The following TC2N variants were observed in gnomAD, a reference collection of about 807,000 sequenced individuals.
The protein encoded by TC2N is tandem C2 domains nuclear protein.
In TC2N, 51 loss-of-function variants were observed where a neutral mutation model predicts 61.9. That is an observed-to-expected ratio of 0.82 (90% CI 0.66 to 1.04). The LOEUF (loss-of-function observed/expected upper bound fraction) is 1.04. Among genes scored for constraint, TC2N ranks in the 50% least tolerant of loss-of-function variants. The pLI, the probability that TC2N is intolerant of heterozygous loss-of-function variation, is 0.00. For missense variants in TC2N, 556 were observed against 566.7 expected (o/e 0.98, Z 0.19); for synonymous variants, 204 against 192.6 (o/e 1.06, Z -0.49).
chr14:91,799,555 G>A (rs111258166), intron 5 of TC2N, among the ~76,000 whole-genome samples: 11 of 152,078 alleles, frequency 7.2e-5, no homozygotes, highest in African/African-American at 1.4e-4. Flanking sequence ...GTTTTAACAA[G>A]CTCTCCAAAC....
At chr14:91,830,910 C>A (rs993664434) in intron 1 of TC2N, among the ~76,000 whole-genome samples, 2 of 152,090 alleles carry the variant, frequency 1.3e-5, no homozygotes, top group Non-Finnish European at 2.9e-5. Context: ...AGTTTTTCGC[C>A]CTTCTCGTGA....
chr14:91,791,593 A>G (rs10138735), intron 9 of TC2N, among the ~76,000 whole-genome samples: 12,670 of 152,154 alleles, frequency 0.083, 1,122 homozygotes, highest in African/African-American at 0.22. Context: ...TTTTACAGAA[A>G]AAAAAAATCA....
At chr14:91,858,952 C>G (rs1332462816) in intron 1 of TC2N, among the ~76,000 whole-genome samples, 3 of 152,116 alleles carry the variant, frequency 2.0e-5, no homozygotes, top group African/African-American at 7.2e-5. Context: ...GAAGCCCAGC[C>G]CAGCCAAAAC....
chr14:91,796,896 C>T (rs570305167), intron 8 of TC2N, among the ~76,000 whole-genome samples: 13 of 152,250 alleles, frequency 8.5e-5, no homozygotes, highest in Non-Finnish European at 1.9e-4. Flanking sequence ...GGTTTTTCAA[C>T]CATTCCTCTG....
chr14:91,855,155 T>G (rs978165352), intron 1 of TC2N, among the ~76,000 whole-genome samples: 2 of 152,128 alleles, frequency 1.3e-5, no homozygotes, highest in African/African-American at 4.8e-5. Flanking sequence ...ACGGCAGGGA[T>G]GGAGGGCTGA....
intron 1 of TC2N, among the ~76,000 whole-genome samples, chr14:91,857,747 G>A (rs528106562): frequency 6.6e-6 from 1 of 152,146 alleles, no homozygotes; most frequent in African/African-American, 2.4e-5. Flanking sequence ...ATGTACAGTC[G>A]CCTGAACCAC....
intron 11 of TC2N, 149 bp from the exon 12 acceptor site, chr14:91,783,359 T>C (rs1008802884): frequency 7.3e-6 from 4 of 548,912 alleles, no homozygotes; most frequent in African/African-American, 3.9e-5. Context: ...AAAAGTCAGA[T>C]TGATTTCTCT....
intron 1 of TC2N, among the ~76,000 whole-genome samples, chr14:91,838,487 A>G (rs1888107824): frequency 6.6e-6 from 1 of 152,178 alleles, no homozygotes; most frequent in Admixed American, 6.5e-5. Flanking sequence ...GTTAGAAATC[A>G]CTAGATTCAT....
At chr14:91,804,548 C>T (rs145895791) in intron 3 of TC2N, among the ~76,000 whole-genome samples, 37 of 152,132 alleles carry the variant, frequency 2.4e-4, no homozygotes, top group Middle Eastern at 3.4e-3. Context: ...GAATACAGAA[C>T]GAATTATAAT....
In TC2N at chr14:91,785,062, C is replaced by T. The variant is rs920902801; in HGVS notation, c.1362+100G>A. ...AATTTTGATTTATGATGCTGAAGAA[C>T]TGTACTCTATTTGACTTTAATATTA... On this transcript the variant is annotated intron_variant, in intron 11 of 11. Transcript: ENST00000435962. The T allele has an allele frequency of 4.5e-5, 34 of 753,198 alleles. No individual in the cohort carries two copies. In the African/African-American group the frequency reaches 5.5e-4, roughly 12 times the overall value. The allele number at this position is 753,198 out of a possible 1,614,324, so 46.7% of individuals were successfully genotyped here. A position where few individuals can be genotyped will look rare whatever the true frequency, so the allele number is the denominator to read the frequency against.
At chr14:91,817,117 GAATATTGAGTCTTCCTAC>G (rs1274966155) in intron 1 of TC2N, among the ~76,000 whole-genome samples, 1 of 151,796 alleles carries the variant, frequency 6.6e-6, no homozygotes, top group African/African-American at 2.4e-5. Context: ...ACATCTCTAA[GAATATTGAGTCTTCCTAC>G]ACAGAACATA....
chr14:91,812,040 C>A (rs1018493137), intron 3 of TC2N: 19 of 179,004 alleles, frequency 1.1e-4, no homozygotes, highest in African/African-American at 4.0e-4. Context: ...TTGGTTAAAT[C>A]CACAGATGTG....
At chr14:91,794,176 A>G (rs1357550228) in intron 8 of TC2N, among the ~76,000 whole-genome samples, 2 of 152,234 alleles carry the variant, frequency 1.3e-5, no homozygotes, top group South Asian at 4.1e-4. Flanking sequence ...GAAGCTGAAG[A>G]AGAAAAACTA....
rs1885188502 is a variant in TC2N, at chr14:91,782,820, T to C, written c.*280A>G. 3 of 313,756 alleles carry C rather than the reference T, an allele frequency of 9.6e-6. No individual in the cohort carries two copies. The highest frequency in any genetic ancestry group is 1.7e-5 in the Non-Finnish European group (3 of 171,470). 19.4% of individuals were successfully genotyped at this position (313,756 alleles called of 1,614,324 possible). ...AGAAAGAACTATCTATGGTTGATAT[T>C]CTCACAGACTTTATAATTTATTTAG... On this transcript the variant is annotated 3_prime_UTR_variant, in exon 12 of 12. Coordinates refer to ENST00000435962, the MANE Select transcript of TC2N (RefSeq NM_001128596.3).
At chr14:91,794,534 GTAT>G (rs1885809473) in intron 8 of TC2N, among the ~76,000 whole-genome samples, 1 of 152,044 alleles carries the variant, frequency 6.6e-6, no homozygotes, top group Non-Finnish European at 1.5e-5. Context: ...GGGCCCTTAA[GTAT>G]TATACTAAAT....
chr14:91,863,338 G>C (rs1405005226), intron 1 of TC2N, among the ~76,000 whole-genome samples: 1 of 152,162 alleles, frequency 6.6e-6, no homozygotes, highest in Non-Finnish European at 1.5e-5. Flanking sequence ...AGAAGGAAGG[G>C]GATTGATTAG....
chr14:91,809,082 G>C (rs915665505), intron 3 of TC2N, among the ~76,000 whole-genome samples: 1 of 152,060 alleles, frequency 6.6e-6, no homozygotes, highest in Non-Finnish European at 1.5e-5. Flanking sequence ...AAGATGATAG[G>C]CCAGGCACTA....
chr14:91,794,464 C>A (rs1395150732), intron 8 of TC2N, among the ~76,000 whole-genome samples: 1 of 152,106 alleles, frequency 6.6e-6, no homozygotes, highest in Non-Finnish European at 1.5e-5. Context: ...TTGTTAGGGG[C>A]TAATGCAATC....
chr14:91,798,340 A>G lies in TC2N; in HGVS notation c.697T>C (p.Tyr233His). The change falls in exon 7 of 12, where the codon TAT becomes CAT. Residue 233 changes from tyrosine (Y) to histidine (H), a missense_variant. Physicochemically the swap from Tyr to His is moderately conservative, Grantham distance 83. Transcript: ENST00000435962. ...CAGATCTGTTCTACTGAAGAATTAT[A>G]AAACAATTTCACATTCAGTCTCCCA... ...DFGRLNVKLF[Y>H]NSSVEQIWIT... 1 of 1,596,430 alleles carries G rather than the reference A, an allele frequency of 6.3e-7. No individual in the cohort carries two copies. Among genetic ancestry groups the G allele is most frequent in the Non-Finnish European group, 8.6e-7 (1 of 1,169,454 alleles).
Sources: gnomAD v4.1 joint callset for allele counts (sites outside exome capture counted in the v4.1 genomes callset) on GRCh38, gnomAD v4.1.1 for gene constraint, MANE v1.5 for transcripts, NCBI Gene and HGNC (gene_info 2026-07-23, HGNC 2026-07-21) for gene names.